The following CACNA2D1 variants were observed in gnomAD, a reference collection of about 807,000 sequenced individuals.
CACNA2D1 encodes voltage-dependent calcium channel subunit alpha-2/delta-1.
A neutral mutation model predicts 171.5 loss-of-function variants in CACNA2D1; 53 were observed. The ratio of observed to expected loss-of-function variants is 0.31; its 90% confidence interval spans 0.25 to 0.39. The LOEUF (loss-of-function observed/expected upper bound fraction) is 0.39, where lower values mean the gene tolerates loss of function less well. Among genes scored for constraint, CACNA2D1 ranks in the 10% least tolerant of loss-of-function variants. CACNA2D1 has a pLI of 1.00. For synonymous variants in CACNA2D1, 442 were observed against 443.1 expected, an observed-to-expected ratio of 1.00 and a Z score of 0.03; for missense variants, 903 against 1,299.8, an observed-to-expected ratio of 0.69 and a Z score of 4.69.
intron 7 of CACNA2D1, among the ~76,000 whole-genome samples, chr7:82,072,292 T>C (rs556862209): frequency 6.6e-6 from 1 of 152,202 alleles, no homozygotes; most frequent in Non-Finnish European, 1.5e-5. Flanking sequence ...CACCCTTATG[T>C]GATTATTAGA....
At chr7:82,032,711 T>C in intron 12 of CACNA2D1, 86 bp downstream of exon 12, 1 of 693,974 alleles carries the variant, frequency 1.4e-6, no homozygotes, top group Non-Finnish European at 2.5e-6. Context: ...AAATCAAAAA[T>C]TCTCCCCTCA....
intron 3 of CACNA2D1, among the ~76,000 whole-genome samples, chr7:82,171,743 T>C (rs1191782237): frequency 6.6e-6 from 1 of 152,120 alleles, no homozygotes; most frequent in Non-Finnish European, 1.5e-5. Context: ...TAGAAGATAG[T>C]GATAAAACTG....
chr7:82,400,087 CT>C (rs1242078994), intron 1 of CACNA2D1, among the ~76,000 whole-genome samples: 3 of 150,824 alleles, frequency 2.0e-5, no homozygotes, highest in African/African-American at 7.3e-5. Flanking sequence ...CAGTACCATG[CT>C]GTTTTGGTTA....
intron 6 of CACNA2D1, among the ~76,000 whole-genome samples, chr7:82,108,043 C>G (rs186325435): frequency 2.6e-5 from 4 of 152,218 alleles, no homozygotes; most frequent in African/African-American, 7.2e-5. Flanking sequence ...ATTTTCACAA[C>G]AAACCACGTC....
intron 18 of CACNA2D1, among the ~76,000 whole-genome samples, chr7:82,001,351 GAC>G (rs1798584375): frequency 6.6e-6 from 1 of 152,104 alleles, no homozygotes; most frequent in East Asian, 1.9e-4. Context: ...ACATGAATTT[GAC>G]ATTAATTTTA....
chr7:82,409,543 A>G (rs1336345831), intron 1 of CACNA2D1, among the ~76,000 whole-genome samples: 1 of 152,158 alleles, frequency 6.6e-6, no homozygotes, highest in Non-Finnish European at 1.5e-5. Flanking sequence ...ATCTGGGTAA[A>G]TTCTTAAAAA....
At chr7:81,986,962 G>T (rs953325722) in intron 21 of CACNA2D1, among the ~76,000 whole-genome samples, 5 of 152,114 alleles carry the variant, frequency 3.3e-5, no homozygotes, top group Non-Finnish European at 7.4e-5. Flanking sequence ...ATTGCTAAGA[G>T]AAACTTCTAA....
At chr7:82,361,780 A>C (rs1585653334) in intron 1 of CACNA2D1, among the ~76,000 whole-genome samples, 1 of 152,166 alleles carries the variant, frequency 6.6e-6, no homozygotes, top group African/African-American at 2.4e-5. Flanking sequence ...TTCTAGTTAA[A>C]TATTTAGTAT....
intron 12 of CACNA2D1, chr7:82,029,700 G>C (rs552862011): frequency 2.0e-4 from 31 of 151,604 alleles, no homozygotes; most frequent in South Asian, 1.2e-3. Flanking sequence ...ATTTGAAACA[G>C]ATATAAATAT....
intron 4 of CACNA2D1, among the ~76,000 whole-genome samples, chr7:82,148,813 T>C (rs759828255): frequency 2.2e-3 from 336 of 152,166 alleles, no homozygotes; most frequent in Non-Finnish European, 1.9e-3. Flanking sequence ...AATTTTTTAT[T>C]TTTAAAAGAG....
intron 6 of CACNA2D1, among the ~76,000 whole-genome samples, chr7:82,094,294 C>T (rs1392394423): frequency 1.3e-5 from 2 of 151,914 alleles, no homozygotes; most frequent in African/African-American, 2.4e-5. Context: ...AATACCGAAT[C>T]ATAATATATA....
chr7:82,326,613 G>A (rs1385918228), intron 3 of CACNA2D1, among the ~76,000 whole-genome samples: 2 of 108,472 alleles, frequency 1.8e-5, no homozygotes, highest in African/African-American at 2.9e-5. Flanking sequence ...GTAAAACTCC[G>A]AAAACTTTCA....
chr7:82,035,677 A>G (rs1182034203), intron 11 of CACNA2D1, among the ~76,000 whole-genome samples: 5 of 152,138 alleles, frequency 3.3e-5, no homozygotes, highest in African/African-American at 1.2e-4. Flanking sequence ...TGATCATTTC[A>G]CAACTGAAAC....
intron 1 of CACNA2D1, among the ~76,000 whole-genome samples, chr7:82,408,813 G>A (rs2129453915): frequency 6.6e-6 from 1 of 152,310 alleles, no homozygotes; most frequent in East Asian, 1.9e-4. Context: ...ACACAGCGTA[G>A]TCAACTAATT....
rs1416010629 is a variant in CACNA2D1, at chr7:82,038,153, G to A, written c.962C>T (p.Ala321Val). 2.5e-6 allele frequency: 4 copies of A among 1,613,168 alleles called. No homozygotes were observed. Among genetic ancestry groups the A allele is most frequent in the Non-Finnish European group, 2.5e-6 (3 of 1,179,396 alleles). ...TCCTTTGGCTGTGATATTATTCACC[G>A]CGTCTTTCAACACTTTTTTATTTCT... ...NVRNKKVLKD[A>V]VNNITAKGIT... Residue 321 changes from alanine (A) to valine (V), a missense_variant, in exon 11 of 39, where the codon GCG (alanine) becomes GTG (valine). Physicochemically the swap from Ala to Val is moderately conservative, Grantham distance 64. Around this residue, in one of 5 missense-constraint regions of CACNA2D1, gnomAD observed 623 missense variants for 925.5 expected, o/e 0.67. Transcript: ENST00000356860.
chr7:82,122,247 T>G (rs1263063646), intron 5 of CACNA2D1, among the ~76,000 whole-genome samples: 1 of 152,172 alleles, frequency 6.6e-6, no homozygotes, highest in Non-Finnish European at 1.5e-5. Context: ...CTAAATTAAG[T>G]TAAAATGCAA....
intron 4 of CACNA2D1, among the ~76,000 whole-genome samples, chr7:82,161,627 AG>A (rs1794959373): frequency 6.6e-6 from 1 of 152,078 alleles, no homozygotes; most frequent in African/African-American, 2.4e-5. Flanking sequence ...TGGAGGAGAA[AG>A]TGATCCTTTG....
intron 1 of CACNA2D1, among the ~76,000 whole-genome samples, chr7:82,405,904 A>G (rs1826979146): frequency 6.6e-6 from 1 of 151,678 alleles, no homozygotes; most frequent in Admixed American, 6.6e-5. Flanking sequence ...TTTTTTATAT[A>G]TATACTTTAA....
intron 1 of CACNA2D1, among the ~76,000 whole-genome samples, chr7:82,393,083 A>AAGGAAGGCAGGCAGGCAGGC (rs1208617777): frequency 2.4e-5 from 2 of 82,368 alleles, no homozygotes; most frequent in South Asian, 4.1e-4. Context: ...GGAAGGAAGG[A>AAGGAAGGCAGGCAGGCAGGC]AGGCAGGCAG....
Sources: allele counts gnomAD v4.1 joint callset (sites outside exome capture counted in the v4.1 genomes callset), GRCh38; gene constraint gnomAD v4.1.1; regional missense constraint gnomAD v4.1.1; transcripts MANE v1.5; gene names NCBI Gene and HGNC (gene_info 2026-07-23, HGNC 2026-07-21).